Variants in IDUA observed in about 807,000 individuals in gnomAD.
IDUA encodes alpha-L-iduronidase.
Under a neutral mutation model 68.9 loss-of-function variants are expected in IDUA, and 65 were observed. That is an observed-to-expected ratio of 0.94 (90% CI 0.77 to 1.16). The LOEUF is 1.16. Ranked by LOEUF, IDUA falls within the 50% of genes most tolerant of loss-of-function variation. The pLI is 0.00. For synonymous variants in IDUA, 529 were observed against 433.6 expected, an observed-to-expected ratio of 1.22 and a Z score of -2.73; for missense variants, 1,046 against 938.0, an observed-to-expected ratio of 1.12 and a Z score of -1.50.
At chr4:1,001,625 G>T in intron 5 of IDUA, 54 bp from the exon 6 acceptor site, 1 of 1,608,768 alleles carries the variant, frequency 6.2e-7, no homozygotes, top group Non-Finnish European at 8.5e-7. Context: ...CAGGAGCAGA[G>T]GCTAAGCCGC....
chr4:1,000,452 AG>A (rs1715003664), intron 2 of IDUA, among the ~76,000 whole-genome samples, 159 bp from the exon 3 acceptor site: 1 of 152,184 alleles, frequency 6.6e-6, no homozygotes, highest in African/African-American at 2.4e-5. Context: ...AGGCCTTCAT[AG>A]GGTTATTTTC....
In IDUA at chr4:991,169, G is replaced by A. The variant is rs370208644; in HGVS notation, c.299+3220G>A. 228 of 1,567,516 alleles carry A rather than the reference G, an allele frequency of 1.5e-4. No homozygotes were observed. Among genetic ancestry groups the A allele is most frequent in the Middle Eastern group, 1.2e-3 (7 of 5,634 alleles). ...ATCAGCGTGAGGGCGGTGGCGACAC[G>A]GATGGCGTAGCAGTCACGCCCGCAG... On this transcript the variant is annotated intron_variant, in intron 2 of 13. Transcript: ENST00000514224.
chr4:1,002,340 C>G lies in IDUA; in HGVS notation c.1044C>G (p.Asn348Lys), dbSNP rs746766617. The change falls in exon 8 of 14, where the codon AAC becomes AAG. Residue 348 changes from asparagine to lysine, a missense_variant. Coordinates refer to ENST00000514224, the MANE Select transcript of IDUA (RefSeq NM_000203.5). ...TSAFPYALLS[N>K]DNAFLSYHPH... ...CCTTCCCCTACGCGCTCCTGAGCAA[C>G]GACAATGCCTTCCTGAGCTACCACC... 13 of 1,613,238 alleles carry G rather than the reference C, an allele frequency of 8.1e-6. No individual in the cohort carries two copies. Among genetic ancestry groups the G allele is most frequent in the Non-Finnish European group, 1.1e-5 (13 of 1,179,706 alleles).
intron 2 of IDUA, chr4:990,169 C>T (rs1414544417): frequency 5.8e-6 from 9 of 1,560,846 alleles, no homozygotes; most frequent in South Asian, 4.7e-5. Context: ...GTTGGCCTGC[C>T]CGGCGCCGCG....
At chr4:1,000,528 A>G in intron 2 of IDUA, 84 bp from the exon 3 acceptor site, 1 of 1,085,862 alleles carries the variant, frequency 9.2e-7, no homozygotes, top group Non-Finnish European at 1.4e-6. Flanking sequence ...AGGCTCCCAC[A>G]TGCTCCGTTG....
At chr4:988,991 T>G in intron 2 of IDUA, 1 of 1,593,130 alleles carries the variant, frequency 6.3e-7, no homozygotes, top group South Asian at 1.1e-5. Context: ...ACAGGCGGGC[T>G]GCAGCAGGCT....
chr4:1,001,093 G>T, intron 4 of IDUA, 104 bp downstream of exon 4: 4 of 824,264 alleles, frequency 4.9e-6, no homozygotes, highest in Non-Finnish European at 8.1e-6. Flanking sequence ...ATACATTGGT[G>T]GGCAGGCGCA....
intron 3 of IDUA, 64 bp downstream of exon 3, chr4:1,000,761 C>G: frequency 6.8e-7 from 1 of 1,474,414 alleles, no homozygotes; most frequent in Non-Finnish European, 9.5e-7. Flanking sequence ...CCCTCTCCCT[C>G]ACCCAGCCCC....
chr4:988,470 T>C, intron 2 of IDUA: 2 of 1,104,122 alleles, frequency 1.8e-6, no homozygotes, highest in Non-Finnish European at 2.2e-6. Flanking sequence ...GCATAGGGAG[T>C]CCTCTTGGCA....
At chr4:1,000,467 G>A (rs567284637) in intron 2 of IDUA, 145 bp from the exon 3 acceptor site, 1 of 699,894 alleles carries the variant, frequency 1.4e-6, no homozygotes, top group Admixed American at 2.1e-5. Flanking sequence ...TATTTTCCAA[G>A]GGGAAGGGCC....
In IDUA at chr4:990,192, C is replaced by T. The variant is rs536555705; in HGVS notation, c.299+2243C>T. On this transcript the variant is annotated intron_variant, in intron 2 of 13. Transcript: ENST00000514224. Reference sequence around the variant, plus strand: ...GCCCGGCGCCGCGCAGCAGGCTCAGCCATGTGAGGACCACCATGCCGGGCC... The same window carrying T: ...GCCCGGCGCCGCGCAGCAGGCTCAGTCATGTGAGGACCACCATGCCGGGCC... 109 of 1,561,430 alleles carry T rather than the reference C, an allele frequency of 7.0e-5. 1 individual carries two copies. In the East Asian group the frequency reaches 1.5e-3, roughly 21 times the overall value.
chr4:994,513 C>T (rs1400435343), intron 2 of IDUA, among the ~76,000 whole-genome samples: 5 of 151,476 alleles, frequency 3.3e-5, no homozygotes, highest in Non-Finnish European at 5.9e-5. Flanking sequence ...TCTCGGCTCA[C>T]TGCAAGCTCT....
At chr4:996,415 C>T (rs28504164) in intron 2 of IDUA, among the ~76,000 whole-genome samples, 23,982 of 152,144 alleles carry the variant, frequency 0.16, 2,048 homozygotes, top group East Asian at 0.28. Context: ...CTGGTGCAGA[C>T]GCCTGCATGC....
intron 4 of IDUA, chr4:1,001,225 TG>T (rs1303600456): frequency 3.3e-6 from 2 of 604,532 alleles, no homozygotes; most frequent in Non-Finnish European, 2.9e-6. Flanking sequence ...GCCCCTGGGG[TG>T]GGGGGTACTC....
chr4:1,004,443 T>C lies in IDUA; in HGVS notation c.*50T>C. The C allele has an allele frequency of 3.1e-6, 5 of 1,598,568 alleles. No individual in the cohort carries two copies. The South Asian group carries it at 5.5e-5, about 18-fold the overall frequency. On this transcript the variant is annotated 3_prime_UTR_variant, in exon 14 of 14. Coordinates refer to ENST00000514224, the MANE Select transcript of IDUA (RefSeq NM_000203.5). This position sits in a 1 kb window ranked among gnomAD's most constrained non-coding sequence, Gnocchi z 5.0. Reference sequence around the variant, plus strand: ...GCACCTCCACCGGCAGTCAGCGAGCTGGGGCTGCACTGTGCCCATGCTGCC... The same window carrying C: ...GCACCTCCACCGGCAGTCAGCGAGCCGGGGCTGCACTGTGCCCATGCTGCC...
chr4:999,468 G>A (rs1714947363), intron 2 of IDUA, among the ~76,000 whole-genome samples: 1 of 152,214 alleles, frequency 6.6e-6, no homozygotes, highest in African/African-American at 2.4e-5. Context: ...ATGTCTTCCT[G>A]CTGGCTGGTC....
chr4:1,002,068 C>G lies in IDUA; in HGVS notation c.879C>G (p.Thr293=), dbSNP rs1472617552. ...IRQLFPKFAD[T]PIYNDEADPL... is the part of the protein sequence containing the mutation. ...AGCTCTTCCCCAAGTTCGCGGACACCCCCATTTACAACGACGAGGCGGACC... is the reference window on the plus strand; with the variant it reads ...AGCTCTTCCCCAAGTTCGCGGACACGCCCATTTACAACGACGAGGCGGACC... The change falls in exon 7 of 14, where the codon ACC becomes ACG. Residue 293 remains threonine, a synonymous_variant. Coordinates refer to ENST00000514224, the MANE Select transcript of IDUA (RefSeq NM_000203.5). 6.3e-7 allele frequency: 1 copy of G among 1,593,516 alleles called. No homozygotes were observed. The highest frequency in any genetic ancestry group is 1.1e-5 in the South Asian group (1 of 87,658).
rs751237413 is a variant in IDUA, at chr4:990,351, G to A, written c.299+2402G>A. On this transcript the variant is annotated intron_variant, in intron 2 of 13. Transcript: ENST00000514224. ...CGGACACGAAGCCCAGCCGGAGGACGCCCATGAGGACCTGTGGACGGAGTG... is the reference window on the plus strand; with the variant it reads ...CGGACACGAAGCCCAGCCGGAGGACACCCATGAGGACCTGTGGACGGAGTG... 11 of 1,599,578 alleles carry A rather than the reference G, an allele frequency of 6.9e-6. No individual in the cohort carries two copies. In the African/African-American group the frequency reaches 9.4e-5, roughly 14 times the overall value.
chr4:990,039 C>G lies in IDUA; in HGVS notation c.299+2090C>G, dbSNP rs1396655015. 3.8e-6 allele frequency: 6 copies of G among 1,598,528 alleles called. No homozygotes were observed. The African/African-American group carries it at 6.7e-5, about 18-fold the overall frequency. On this transcript the variant is annotated intron_variant, in intron 2 of 13. Coordinates refer to ENST00000514224, the MANE Select transcript of IDUA (RefSeq NM_000203.5). ...CGAAGTGCGACACGAGTGTGGCCAC[C>G]ACGATGACCAGCAGCTCCGTGGGCA... is the stretch of plus-strand genomic sequence containing the variant.
Sources: gnomAD v4.1 joint callset for allele counts (sites outside exome capture counted in the v4.1 genomes callset) on GRCh38, gnomAD v4.1.1 for gene constraint, Gnocchi (gnomAD v3.1) non-coding constraint, MANE v1.5 for transcripts, NCBI Gene and HGNC (gene_info 2026-07-23, HGNC 2026-07-21) for gene names.